The following GPC5 variants were observed in gnomAD, a reference collection of about 807,000 sequenced individuals.
GPC5 encodes glypican-5.
In GPC5, 47 loss-of-function variants were observed where a neutral mutation model predicts 53.9. The observed-to-expected ratio is 0.87, with a 90% confidence interval of 0.69 to 1.11. GPC5 has a LOEUF of 1.11. Ranked by LOEUF, GPC5 falls within the 50% of genes most tolerant of loss-of-function variation. The probability of loss-of-function intolerance (pLI) is 0.00; values close to 1 mark genes in which losing one functional copy is unlikely to be tolerated. For synonymous variants in GPC5, 286 were observed against 263.3 expected, an observed-to-expected ratio of 1.09 and a Z score of -0.84; for missense variants, 748 against 713.1, an observed-to-expected ratio of 1.05 and a Z score of -0.56.
chr13:92,608,724 G>A (rs188283130), intron 7 of GPC5, among the ~76,000 whole-genome samples: 185 of 152,216 alleles, frequency 1.2e-3, no homozygotes, highest in Non-Finnish European at 2.1e-3. Context: ...GTTCCTGCCC[G>A]TGACTCCACC....
In GPC5 at chr13:91,693,941, A is replaced by C. The variant is rs910619023; in HGVS notation, c.1020+60A>C. Reference sequence around the variant, plus strand: ...TTGTAATTCAAATATTAGCCATGATATACTTTAGGAAATAGTAGGAGAATG... The same window carrying C: ...TTGTAATTCAAATATTAGCCATGATCTACTTTAGGAAATAGTAGGAGAATG... On this transcript the variant is annotated intron_variant, in intron 3 of 7. Coordinates refer to ENST00000377067, the MANE Select transcript of GPC5 (RefSeq NM_004466.6). 3 of 1,267,706 alleles carry C rather than the reference A, an allele frequency of 2.4e-6. No homozygotes were observed. The African/African-American group carries it at 4.4e-5, about 19-fold the overall frequency. The allele number at this position is 1,267,706 out of a possible 1,614,324, so 78.5% of individuals were successfully genotyped here. A position where few individuals can be genotyped will look rare whatever the true frequency, so the allele number is the denominator to read the frequency against.
chr13:91,760,828 C>T (rs1176248187), intron 5 of GPC5, among the ~76,000 whole-genome samples: 3 of 152,122 alleles, frequency 2.0e-5, no homozygotes, highest in African/African-American at 7.2e-5. Flanking sequence ...TCTCAAATAT[C>T]TGTAGTGTAA....
At chr13:91,908,173 A>G in intron 6 of GPC5, 116 bp downstream of exon 6, 1 of 771,968 alleles carries the variant, frequency 1.3e-6, no homozygotes. Flanking sequence ...AAAATATTGT[A>G]ACACACTTTT....
intron 7 of GPC5, among the ~76,000 whole-genome samples, chr13:92,862,614 GAGATAGAT>G (rs769698961): frequency 3.3e-4 from 47 of 142,104 alleles, no homozygotes; most frequent in East Asian, 3.0e-3. Context: ...ATATCTAGTG[GAGATAGAT>G]AGACAGATAG....
intron 7 of GPC5, among the ~76,000 whole-genome samples, chr13:92,828,891 T>G (rs900351987): frequency 6.6e-6 from 1 of 152,086 alleles, no homozygotes; most frequent in African/African-American, 2.4e-5. Context: ...TTGGATACAA[T>G]GCACACTATT....
intron 7 of GPC5, among the ~76,000 whole-genome samples, chr13:92,161,694 C>T (rs28491123): frequency 5.9e-5 from 9 of 151,434 alleles, no homozygotes; most frequent in Admixed American, 3.3e-4. Context: ...TGTAATTTTG[C>T]GTGAAAATTA....
chr13:91,585,890 GA>G (rs1381643295), intron 2 of GPC5, among the ~76,000 whole-genome samples: 1 of 151,868 alleles, frequency 6.6e-6, no homozygotes, highest in Non-Finnish European at 1.5e-5. Context: ...TTTGAAAAAA[GA>G]AAAAACAAGA....
At chr13:91,521,598 C>G (rs1885818849) in intron 2 of GPC5, among the ~76,000 whole-genome samples, 1 of 152,168 alleles carries the variant, frequency 6.6e-6, no homozygotes, top group Non-Finnish European at 1.5e-5. Context: ...ATGTTCTAAA[C>G]AAACTCAAAG....
chr13:91,940,063 C>G (rs1402640561), intron 6 of GPC5, among the ~76,000 whole-genome samples: 2 of 152,074 alleles, frequency 1.3e-5, no homozygotes, highest in Admixed American at 6.6e-5. Context: ...CTCCCCTATT[C>G]TATTTTGTTT....
intron 2 of GPC5, among the ~76,000 whole-genome samples, chr13:91,581,735 A>G (rs981754295): frequency 5.9e-5 from 9 of 152,160 alleles, no homozygotes; most frequent in Admixed American, 5.9e-4. Flanking sequence ...AACTCAGTGT[A>G]ACGACTTCTC....
intron 6 of GPC5, among the ~76,000 whole-genome samples, chr13:91,998,402 C>A (rs1199225282): frequency 2.6e-5 from 4 of 152,004 alleles, no homozygotes; most frequent in Non-Finnish European, 5.9e-5. Flanking sequence ...ATACACACAC[C>A]CTGTTAGAAT....
rs931418139 is a variant in GPC5, at chr13:91,611,504, A to C, written c.326-81683A>C. Reference sequence around the variant, plus strand: ...ATCTTCAGTTAGAGAAATTTTAAAGAACCTTCAGCCATTAGTTCATCAGAA... The same window carrying C: ...ATCTTCAGTTAGAGAAATTTTAAAGCACCTTCAGCCATTAGTTCATCAGAA... On this transcript the variant is annotated intron_variant, in intron 2 of 7. Coordinates refer to ENST00000377067, the MANE Select transcript of GPC5 (RefSeq NM_004466.6). Among the ~76,000 whole-genome samples the C allele has an allele frequency of 2.6e-5, 4 of 152,264 alleles. No homozygotes were observed. The East Asian group carries it at 7.7e-4, about 29-fold the overall frequency.
chr13:92,026,391 A>G (rs2040801003), intron 6 of GPC5, among the ~76,000 whole-genome samples: 1 of 151,752 alleles, frequency 6.6e-6, no homozygotes, highest in African/African-American at 2.4e-5. Flanking sequence ...CAATACTTTT[A>G]CTAAGGTAAA....
At chr13:91,723,172 T>G (rs2036509167) in intron 3 of GPC5, among the ~76,000 whole-genome samples, 1 of 152,120 alleles carries the variant, frequency 6.6e-6, no homozygotes. Flanking sequence ...TTTATTTATT[T>G]TTTTTTCATT....
At chr13:92,451,579 G>C (rs61973626) in intron 7 of GPC5, among the ~76,000 whole-genome samples, 8,169 of 152,080 alleles carry the variant, frequency 0.054, 276 homozygotes, top group Admixed American at 0.086. Flanking sequence ...TCTATCATAA[G>C]GAATATGTAT....
intron 7 of GPC5, chr13:92,447,001 T>G (rs1877855286): frequency 6.6e-6 from 1 of 152,184 alleles, no homozygotes; most frequent in Non-Finnish European, 1.5e-5. Flanking sequence ...CATATAGAGT[T>G]GTTTGAGGTT....
intron 1 of GPC5, among the ~76,000 whole-genome samples, chr13:91,440,620 G>C (rs1380172681): frequency 1.3e-5 from 2 of 152,134 alleles, no homozygotes; most frequent in Non-Finnish European, 2.9e-5. Flanking sequence ...ATAGGGTCAT[G>C]TTATATCGAC....
chr13:91,478,902 T>TATATATATATATATATATACAC (rs201918417), intron 2 of GPC5, among the ~76,000 whole-genome samples: 1 of 90,298 alleles, frequency 1.1e-5, no homozygotes, highest in African/African-American at 6.0e-5. Flanking sequence ...TATATATATA[T>TATATATATATATATATATACAC]GCACATATAT....
At chr13:92,795,316 A>G (rs1370984725) in intron 7 of GPC5, among the ~76,000 whole-genome samples, 1 of 152,206 alleles carries the variant, frequency 6.6e-6, no homozygotes, top group African/African-American at 2.4e-5. Flanking sequence ...AGTGCTGGGA[A>G]AACTGGCTAG....
Sources: allele counts gnomAD v4.1 joint callset (sites outside exome capture counted in the v4.1 genomes callset), GRCh38; gene constraint gnomAD v4.1.1; transcripts MANE v1.5; gene names NCBI Gene and HGNC (gene_info 2026-07-23, HGNC 2026-07-21).